Variants in MUL1 observed in about 807,000 individuals in gnomAD.
The protein encoded by MUL1 is mitochondrial ubiquitin ligase activator of NFKB 1.
Under a neutral mutation model 34.1 loss-of-function variants are expected in MUL1, and 30 were observed. That is an observed-to-expected ratio of 0.88 (90% confidence interval 0.66 to 1.19). The LOEUF (loss-of-function observed/expected upper bound fraction) is 1.19, where lower values mean the gene tolerates loss of function less well. MUL1 is among the 50% of genes most tolerant of loss of function. MUL1 has a pLI of 0.00. For missense variants in MUL1, 419 were observed against 450.5 expected, an observed-to-expected ratio of 0.93 and a Z score of 0.63; for synonymous variants, 191 against 187.8, an observed-to-expected ratio of 1.02 and a Z score of -0.14.
chr1:20,505,582 C>CAAAAAAAAAA (rs11338654), intron 1 of MUL1, among the ~76,000 whole-genome samples: 1 of 57,156 alleles, frequency 1.7e-5, no homozygotes. Context: ...GACCATGTCT[C>CAAAAAAAAAA]AAAAAAAAAA....
Position 20,501,071 on chromosome 1 carries a change from G to A in MUL1, c.678C>T (p.Phe226=), listed in dbSNP as rs769108473. ...ACTCCTGCCTCTGCAGCAGGCTGTC[G>A]AAGTCCTGGCTGCTTAGATAGTACT... ...GMQYYLSSQD[F]DSLLQRQESS... Residue 226 remains phenylalanine (F), a synonymous_variant, in exon 4 of 4, where the codon TTC becomes TTT. Coordinates refer to ENST00000264198, the MANE Select transcript of MUL1 (RefSeq NM_024544.3). This position sits in a 1 kb window ranked among gnomAD's most constrained non-coding sequence, Gnocchi z 4.2. The A allele has an allele frequency of 3.9e-5, 63 of 1,614,006 alleles. No individual in the cohort carries two copies. The highest frequency in any genetic ancestry group is 1.6e-4 in the Middle Eastern group (1 of 6,084).
chr1:20,505,829 G>T (rs1257157773), intron 1 of MUL1, among the ~76,000 whole-genome samples: 3 of 152,176 alleles, frequency 2.0e-5, no homozygotes, highest in African/African-American at 7.2e-5. Flanking sequence ...GAGACCTAAA[G>T]AGTTCACTGC....
At position 20,501,215 on chromosome 1, in the gene MUL1, C is replaced by T; in HGVS notation, c.534G>A (p.Arg178=). ...CCTCGGTCTCTTGGATGCCTTTGGGCCGCTCACCGCTGATGTAGTGGCCGA... is the reference window on the plus strand; with the variant it reads ...CCTCGGTCTCTTGGATGCCTTTGGGTCGCTCACCGCTGATGTAGTGGCCGA... The part of the protein sequence containing the change: ...DVIGHYISGE[R]PKGIQETEEM... The change falls in exon 4 of 4, where the codon CGG becomes CGA. Residue 178 remains arginine, a synonymous_variant. Transcript: ENST00000264198. This position sits in a 1 kb window ranked among gnomAD's most constrained non-coding sequence, Gnocchi z 4.2. 6.2e-7 allele frequency: 1 copy of T among 1,614,182 alleles called. No individual in the cohort carries two copies. Among genetic ancestry groups the T allele is most frequent in the African/African-American group, 1.3e-5 (1 of 75,050 alleles).
intron 1 of MUL1, among the ~76,000 whole-genome samples, chr1:20,504,917 A>C (rs2051697971): frequency 6.6e-6 from 1 of 152,236 alleles, no homozygotes; most frequent in African/African-American, 2.4e-5. Flanking sequence ...AAACAGGCTC[A>C]GAGAGGTGAA....
intron 1 of MUL1, among the ~76,000 whole-genome samples, chr1:20,506,091 C>T (rs2051711310): frequency 6.6e-6 from 1 of 151,916 alleles, no homozygotes; most frequent in Non-Finnish European, 1.5e-5. Context: ...TCTTTTTTTT[C>T]TGAGATGGAG....
At chr1:20,504,355 T>C (rs2051693136) in intron 1 of MUL1, among the ~76,000 whole-genome samples, 1 of 152,184 alleles carries the variant, frequency 6.6e-6, no homozygotes, top group South Asian at 2.1e-4. Context: ...AAATCAACAA[T>C]CATTTCCTGA....
At chr1:20,504,551 G>A (rs2051694443) in intron 1 of MUL1, among the ~76,000 whole-genome samples, 1 of 152,204 alleles carries the variant, frequency 6.6e-6, no homozygotes, top group Non-Finnish European at 1.5e-5. Flanking sequence ...TACACAGTAA[G>A]TGACAGGAGC....
chr1:20,505,352 A>C (rs887621424), intron 1 of MUL1, among the ~76,000 whole-genome samples: 4 of 152,068 alleles, frequency 2.6e-5, no homozygotes, highest in African/African-American at 9.7e-5. Context: ...TGGGAGTCCA[A>C]AGTGGGATAG....
intron 2 of MUL1, 139 bp from the exon 3 acceptor site, chr1:20,502,328 C>A: frequency 7.3e-6 from 8 of 1,103,362 alleles, no homozygotes; most frequent in Non-Finnish European, 9.1e-6. Context: ...TCAGAAGGAT[C>A]ACTTGGGGCC....
In MUL1 at chr1:20,501,044, C is replaced by A; in HGVS notation, c.705G>T (p.Ser235=). 6.2e-7 allele frequency: 1 copy of A among 1,614,086 alleles called. No homozygotes were observed. Among genetic ancestry groups the A allele is most frequent in the South Asian group, 1.1e-5 (1 of 91,078 alleles). ...CCAGCACCTTCCAGAGCCTGACGCT[C>A]GACTCCTGCCTCTGCAGCAGGCTGT... is the stretch of plus-strand genomic sequence containing the variant. ...DFDSLLQRQE[S]SVRLWKVLAL... The change falls in exon 4 of 4, where the codon TCG becomes TCT. Residue 235 remains serine (S), a synonymous_variant. Coordinates refer to ENST00000264198, the MANE Select transcript of MUL1 (RefSeq NM_024544.3). The surrounding 1 kb of genome is among the most constrained non-coding windows in gnomAD (Gnocchi z 4.2).
At chr1:20,506,112 G>A (rs1359407999) in intron 1 of MUL1, among the ~76,000 whole-genome samples, 1 of 152,054 alleles carries the variant, frequency 6.6e-6, no homozygotes, top group Non-Finnish European at 1.5e-5. Context: ...TCCTGCTCTT[G>A]TCACCCAGGC....
intron 1 of MUL1, among the ~76,000 whole-genome samples, chr1:20,504,392 G>A (rs1354567617): frequency 6.6e-6 from 1 of 152,136 alleles, no homozygotes; most frequent in South Asian, 2.1e-4. Flanking sequence ...CACTGTGCTG[G>A]GTGTCAGAGA....
intron 1 of MUL1, among the ~76,000 whole-genome samples, chr1:20,507,012 G>A (rs778699997): frequency 2.6e-5 from 4 of 152,096 alleles, no homozygotes; most frequent in African/African-American, 2.4e-5. Context: ...GAGATCACCC[G>A]ACGTCAGGAG....
In MUL1 at chr1:20,502,184, C is replaced by T. The variant is rs1157776488; in HGVS notation, c.214G>A (p.Val72Met). ...TTAAGCGTTTCTTTAACAGACCGCA[C>T]AGCTCCTAAGTGGACACAAATTCTA... ...CVPYAVIEGA[V>M]RSVKETLNSQ... The change falls in exon 3 of 4, where the codon GTG becomes ATG. Residue 72 changes from valine to methionine, a missense_variant. Coordinates refer to ENST00000264198, the MANE Select transcript of MUL1 (RefSeq NM_024544.3). The T allele has an allele frequency of 3.1e-6, 5 of 1,614,058 alleles. No individual in the cohort carries two copies. The highest frequency in any genetic ancestry group is 4.2e-6 in the Non-Finnish European group (5 of 1,179,986).
intron 1 of MUL1, among the ~76,000 whole-genome samples, chr1:20,506,989 G>C (rs983923742): frequency 1.3e-5 from 2 of 151,818 alleles, no homozygotes; most frequent in Non-Finnish European, 1.5e-5. Flanking sequence ...ACGCTTCGGA[G>C]AGCCGAGGCG....
At chr1:20,503,190 G>A (rs371507834) in intron 2 of MUL1, 32 bp downstream of exon 2, 47 of 1,438,048 alleles carry the variant, frequency 3.3e-5, no homozygotes, top group Admixed American at 6.3e-5. Context: ...GGAAAAAGAC[G>A]TTGTTTTCCA....
At chr1:20,502,024 T>G (rs201926288) in intron 3 of MUL1, 45 bp downstream of exon 3, 2 of 1,610,822 alleles carry the variant, frequency 1.2e-6, no homozygotes, top group Non-Finnish European at 1.7e-6. Context: ...AGCATTTGAA[T>G]AGACCAACTG....
rs894053274 is a variant in MUL1, at chr1:20,503,213, C to T, written c.208+9G>A. ...ACGTTGTTTTCCATTGACCAATAAG[C>T]AAACATACCTTCTATAACAGCATAA... On this transcript the variant is annotated intron_variant, in intron 2 of 3. Coordinates refer to ENST00000264198, the MANE Select transcript of MUL1 (RefSeq NM_024544.3). 9 of 1,568,836 alleles carry T rather than the reference C, an allele frequency of 5.7e-6. No homozygotes were observed. In the South Asian group the frequency reaches 5.8e-5, roughly 10 times the overall value.
rs1341338337 is a variant in MUL1 at position 20,503,295 on chromosome 1, A to G, written c.135T>C (p.Val45=). The change falls in exon 2 of 4, where the codon GTT becomes GTC. Residue 45 remains valine, a synonymous_variant. Transcript: ENST00000264198. The stretch of plus-strand genomic sequence containing the variant: ...TACTCTTTAAATCTTCACCCAAATG[A>G]ACTTTTTTAGCTCCCTAAATAAAAA... ...VSQELKGAKK[V]HLGEDLKSIL... 6.2e-7 allele frequency: 1 copy of G among 1,601,932 alleles called. No homozygotes were observed. The highest frequency in any genetic ancestry group is 1.7e-5 in the Admixed American group (1 of 58,272).
Sources: gnomAD v4.1 joint callset for allele counts (sites outside exome capture counted in the v4.1 genomes callset) on GRCh38, gnomAD v4.1.1 for gene constraint, Gnocchi (gnomAD v3.1) non-coding constraint, MANE v1.5 for transcripts, NCBI Gene and HGNC (gene_info 2026-07-23, HGNC 2026-07-21) for gene names.